NEGR1: variants seen among roughly 807,000 people sequenced by gnomAD.
NEGR1 encodes the protein IgLON family member 4.
Under a neutral mutation model 40.9 loss-of-function variants are expected in NEGR1, and 10 were observed. That is an observed-to-expected ratio of 0.24 (90% CI 0.15 to 0.42). The LOEUF (loss-of-function observed/expected upper bound fraction) is 0.42. Among genes scored for constraint, NEGR1 ranks in the 10% least tolerant of loss-of-function variants. NEGR1 has a pLI of 1.00. For missense variants in NEGR1, 352 were observed against 438.9 expected, an observed-to-expected ratio of 0.80 and a Z score of 1.77; for synonymous variants, 185 against 166.8, an observed-to-expected ratio of 1.11 and a Z score of -0.84.
intron 1 of NEGR1, among the ~76,000 whole-genome samples, chr1:72,128,639 A>T (rs900023507): frequency 6.6e-6 from 1 of 152,170 alleles, no homozygotes; most frequent in Non-Finnish European, 1.5e-5. Flanking sequence ...AATGTATTAT[A>T]TTAATTTTAT....
At chr1:71,787,277 G>C (rs1157490246) in intron 2 of NEGR1, among the ~76,000 whole-genome samples, 1 of 152,118 alleles carries the variant, frequency 6.6e-6, no homozygotes, top group Non-Finnish European at 1.5e-5. Context: ...GTGTGGTGTT[G>C]GTATCAAATA....
intron 1 of NEGR1, among the ~76,000 whole-genome samples, chr1:72,045,734 T>C (rs968567003): frequency 5.3e-5 from 8 of 151,714 alleles, no homozygotes; most frequent in Admixed American, 2.0e-4. Context: ...AACTAATACA[T>C]CCACATTTCA....
At chr1:71,802,562 C>T (rs1657600442) in intron 2 of NEGR1, among the ~76,000 whole-genome samples, 1 of 152,134 alleles carries the variant, frequency 6.6e-6, no homozygotes, top group Non-Finnish European at 1.5e-5. Context: ...ATTTCAGTAG[C>T]CAAACTGCCC....
chr1:72,088,208 G>T (rs12085418), intron 1 of NEGR1, among the ~76,000 whole-genome samples: 66,134 of 151,844 alleles, frequency 0.44, 14,881 homozygotes, highest in Admixed American at 0.5. Flanking sequence ...ACCTGTTAGT[G>T]TGGTCCCTAG....
At chr1:71,663,777 A>G (rs1652148007) in intron 4 of NEGR1, among the ~76,000 whole-genome samples, 2 of 152,168 alleles carry the variant, frequency 1.3e-5, no homozygotes, top group Admixed American at 6.5e-5. Context: ...CTAGGACCAA[A>G]ATATTGTTTT....
intron 1 of NEGR1, among the ~76,000 whole-genome samples, chr1:71,978,253 G>A (rs1048701387): frequency 6.6e-6 from 1 of 152,142 alleles, no homozygotes; most frequent in Admixed American, 6.5e-5. Context: ...GTTTAAATAT[G>A]AAAAGTGTTT....
intron 1 of NEGR1, among the ~76,000 whole-genome samples, chr1:72,095,649 A>AT (rs1289090577): frequency 6.6e-6 from 1 of 151,608 alleles, no homozygotes; most frequent in African/African-American, 2.4e-5. Flanking sequence ...ATACATATAT[A>AT]TATTTTTTTA....
intron 5 of NEGR1, among the ~76,000 whole-genome samples, chr1:71,595,270 G>A (rs1557580569): frequency 6.6e-6 from 1 of 152,134 alleles, no homozygotes; most frequent in Non-Finnish European, 1.5e-5. Flanking sequence ...AGGTTATTAT[G>A]GCCAATAAAA....
intron 4 of NEGR1, among the ~76,000 whole-genome samples, chr1:71,652,171 C>T (rs2101583015): frequency 6.6e-6 from 1 of 152,288 alleles, no homozygotes; most frequent in East Asian, 1.9e-4. Flanking sequence ...TATCCAAAAA[C>T]AGCAATGTCT....
chr1:72,177,155 A>G (rs1360695237), intron 1 of NEGR1, among the ~76,000 whole-genome samples: 2 of 152,104 alleles, frequency 1.3e-5, no homozygotes, highest in African/African-American at 4.8e-5. Context: ...GGTTAACCAA[A>G]TAAGATAGAT....
chr1:71,574,010 A>T (rs1303810245), intron 6 of NEGR1, among the ~76,000 whole-genome samples: 1 of 152,178 alleles, frequency 6.6e-6, no homozygotes, highest in Non-Finnish European at 1.5e-5. Flanking sequence ...TTTGTTGGGA[A>T]TGCCAAGAAT....
At chr1:72,072,004 T>G (rs923509302) in intron 1 of NEGR1, among the ~76,000 whole-genome samples, 38 of 152,152 alleles carry the variant, frequency 2.5e-4, no homozygotes, top group African/African-American at 8.4e-4. Flanking sequence ...CAGTCACTTA[T>G]GCAAAAAGCA....
intron 1 of NEGR1, among the ~76,000 whole-genome samples, chr1:72,050,308 A>G (rs1647046901): frequency 6.6e-6 from 1 of 151,608 alleles, no homozygotes; most frequent in African/African-American, 2.4e-5. Context: ...TAATGCAGTT[A>G]AATAATAAAT....
intron 1 of NEGR1, among the ~76,000 whole-genome samples, chr1:72,006,532 C>T (rs1193127864): frequency 2.0e-5 from 3 of 152,008 alleles, no homozygotes; most frequent in South Asian, 4.1e-4. Flanking sequence ...TTAGGATATT[C>T]GGAAAGGAAA....
In NEGR1 at chr1:72,124,405, C is replaced by A. The variant is rs201267572; in HGVS notation, c.176+157914G>T. Among the ~76,000 whole-genome samples, 5 of 151,904 alleles carry A rather than the reference C, an allele frequency of 3.3e-5. No individual in the cohort carries two copies. The East Asian group carries it at 9.7e-4, about 29-fold the overall frequency. On this transcript the variant is annotated intron_variant, in intron 1 of 6. Coordinates refer to ENST00000357731, the MANE Select transcript of NEGR1 (RefSeq NM_173808.3). ...AACTGAAAAAAAGATCAGCCCAGAG[C>A]AAAACCTAAGATATTAAGACTAGGG...
chr1:71,608,673 AG>A (rs1650146360), intron 5 of NEGR1, among the ~76,000 whole-genome samples: 1 of 152,218 alleles, frequency 6.6e-6, no homozygotes, highest in African/African-American at 2.4e-5. Flanking sequence ...TGACTTTGAA[AG>A]GTATGTAAAA....
intron 1 of NEGR1, among the ~76,000 whole-genome samples, chr1:72,257,647 A>AC (rs1359756403): frequency 6.6e-6 from 1 of 152,150 alleles, no homozygotes; most frequent in Non-Finnish European, 1.5e-5. Flanking sequence ...TAACTTAATG[A>AC]CCACCTCTAC....
chr1:71,654,868 A>C (rs181100972), intron 4 of NEGR1, among the ~76,000 whole-genome samples: 7 of 152,308 alleles, frequency 4.6e-5, no homozygotes, highest in South Asian at 2.1e-4. Flanking sequence ...ATGGAATACT[A>C]AATATTTTCC....
At chr1:71,983,500 G>A (rs1557468124) in intron 1 of NEGR1, among the ~76,000 whole-genome samples, 1 of 152,108 alleles carries the variant, frequency 6.6e-6, no homozygotes, top group African/African-American at 2.4e-5. Context: ...TGCATTTGTA[G>A]AGCAAAGCAT....
Sources: gnomAD v4.1 joint callset for allele counts (sites outside exome capture counted in the v4.1 genomes callset) on GRCh38, gnomAD v4.1.1 for gene constraint, MANE v1.5 for transcripts, NCBI Gene and HGNC (gene_info 2026-07-23, HGNC 2026-07-21) for gene names.